The following SHISA2 variants were observed in gnomAD, a reference collection of about 807,000 sequenced individuals.
SHISA2 encodes protein shisa-2 homolog.
SHISA2 carries 16 observed loss-of-function variants against 23.8 expected under a neutral mutation model. The observed-to-expected ratio is 0.67, with a 90% confidence interval of 0.46 to 1.02. The LOEUF is 1.02. Among genes scored for constraint, SHISA2 ranks in the 50% least tolerant of loss-of-function variants. The probability of loss-of-function intolerance (pLI) is 0.00; values close to 1 mark genes in which losing one functional copy is unlikely to be tolerated. For missense variants in SHISA2, 459 were observed against 420.1 expected (o/e 1.09, Z -0.81); for synonymous variants, 201 against 178.6 (o/e 1.13, Z -1.00).
chr13:26,046,693 C>T lies in SHISA2; in HGVS notation c.708G>A (p.Val236=). The stretch of plus-strand genomic sequence containing the variant: ...GATGCAGATACTGCCCTTGATGTGG[C>T]ACAATCTGGGTGGCCTGCTGACAGT... ...VLNCQQATQI[V]PHQGQYLHPP... is the part of the protein sequence containing the mutation. Residue 236 remains valine, a synonymous_variant, in exon 2 of 2, where the codon GTG becomes GTA. Coordinates refer to ENST00000319420, the MANE Select transcript of SHISA2 (RefSeq NM_001007538.2). 1 of 1,614,228 alleles carries T rather than the reference C, an allele frequency of 6.2e-7. No individual in the cohort carries two copies.
chr13:26,050,252 G>T (rs60191869), intron 1 of SHISA2, among the ~76,000 whole-genome samples: 5 of 152,044 alleles, frequency 3.3e-5, no homozygotes, highest in Non-Finnish European at 5.9e-5. Flanking sequence ...GGGGAGCACC[G>T]CTGCCAGGCC....
rs927014488 is a variant in SHISA2, at chr13:26,051,769, G to A, written c.-794C>T. 1.1e-4 allele frequency among the ~76,000 whole-genome samples: 16 copies of A among 152,208 alleles called. No individual in the cohort carries two copies. In the East Asian group the frequency reaches 2.7e-3, roughly 26 times the overall value. On this transcript the variant is annotated 5_prime_UTR_variant, in exon 1 of 2. Transcript: ENST00000319420. ...GGCGGCCGCGGCTGCTGCTGGGCGCGGATCCAGGCGGGCGGCTCGCCCCGG... is the reference window on the plus strand; with the variant it reads ...GGCGGCCGCGGCTGCTGCTGGGCGCAGATCCAGGCGGGCGGCTCGCCCCGG...
At chr13:26,050,300 T>G (rs1957293188) in intron 1 of SHISA2, among the ~76,000 whole-genome samples, 1 of 152,130 alleles carries the variant, frequency 6.6e-6, no homozygotes. Context: ...TCTCCTTGGG[T>G]ACCCCTAAGA....
chr13:26,046,810 C>G lies in SHISA2; in HGVS notation c.591G>C (p.Ala197=). The G allele has an allele frequency of 6.2e-7, 1 of 1,614,122 alleles. No individual in the cohort carries two copies. Among genetic ancestry groups the G allele is most frequent in the Non-Finnish European group, 8.5e-7 (1 of 1,180,018 alleles). The change falls in exon 2 of 2, where the codon GCG becomes GCC. Residue 197 remains alanine, a synonymous_variant. Transcript: ENST00000319420. ...SSSSANSGAR[A]PPTRSQTNCC... is the part of the protein sequence containing the mutation. ...AGTTGGTCTGTGACCTTGTTGGGGG[C>G]GCCCGGGCCCCTGAGTTGGCGCTGG...
Position 26,051,279 on chromosome 13 carries a change from T to C in SHISA2, c.-304A>G, listed in dbSNP as rs4770913. ...CCCCCGGGGCTGTCGTCCGGAAGCC[T>C]CTGGAGGTTTCACTGGCAACCGGAC... On this transcript the variant is annotated 5_prime_UTR_variant, in exon 1 of 2. Transcript: ENST00000319420. Among the ~76,000 whole-genome samples the C allele has an allele frequency of 0.21, 32,072 of 152,074 alleles. 3,498 individuals carry two copies. The highest frequency in any genetic ancestry group is 0.35 in the South Asian group (1,688 of 4,824).
At position 26,051,071 on chromosome 13, in the gene SHISA2, T is replaced by C; in HGVS notation, c.-96A>G. On this transcript the variant is annotated 5_prime_UTR_variant, in exon 1 of 2. Transcript: ENST00000319420. ...GCGACCCCCGGGCCTCGTCACTGAC[T>C]GTCCCGCGGCGCTTTCCGCGCGGGC... is the stretch of plus-strand genomic sequence containing the variant. 1 of 1,160,756 alleles carries C rather than the reference T, an allele frequency of 8.6e-7. No individual in the cohort carries two copies. The allele number at this position is 1,160,756 out of a possible 1,614,324, so 71.9% of individuals were successfully genotyped here. A position where few individuals can be genotyped will look rare whatever the true frequency, so the allele number is the denominator to read the frequency against.
At position 26,046,753 on chromosome 13, in the gene SHISA2, C is replaced by A. The variant is rs757741687; in HGVS notation, c.648G>T (p.Val216=). 19 of 1,614,114 alleles carry A rather than the reference C, an allele frequency of 1.2e-5. No individual in the cohort carries two copies. The highest frequency in any genetic ancestry group is 3.3e-5 in the Admixed American group (2 of 60,002). Residue 216 remains valine (V), a synonymous_variant, in exon 2 of 2, where the codon GTG becomes GTT. Transcript: ENST00000319420. The part of the protein sequence containing the change: ...CCLPEGTMNN[V]YVNMPTNFSV... Reference sequence around the variant, plus strand: ...AGAAATTCGTGGGCATGTTGACATACACGTTGTTCATGGTCCCTTCCGGCA... The same window carrying A: ...AGAAATTCGTGGGCATGTTGACATAAACGTTGTTCATGGTCCCTTCCGGCA...
At position 26,046,180 on chromosome 13, in the gene SHISA2, A is replaced by C. The variant is rs1957265668; in HGVS notation, c.*333T>G. On this transcript the variant is annotated 3_prime_UTR_variant, in exon 2 of 2. Coordinates refer to ENST00000319420, the MANE Select transcript of SHISA2 (RefSeq NM_001007538.2). Reference sequence around the variant, plus strand: ...ACAACAAAAAAGAAATAATAATAACAACATAATAAAAATCCTTAATTTATC... The same window carrying C: ...ACAACAAAAAAGAAATAATAATAACCACATAATAAAAATCCTTAATTTATC... The C allele has an allele frequency of 4.9e-6, 1 of 204,530 alleles. No homozygotes were observed. Among genetic ancestry groups the C allele is most frequent in the African/African-American group, 2.3e-5 (1 of 43,300 alleles). The allele number at this position is 204,530 out of a possible 1,614,324, so 12.7% of individuals were successfully genotyped here. A position where few individuals can be genotyped will look rare whatever the true frequency, so the allele number is the denominator to read the frequency against.
chr13:26,050,327 G>A (rs576666572), intron 1 of SHISA2, among the ~76,000 whole-genome samples: 1 of 152,326 alleles, frequency 6.6e-6, no homozygotes, highest in Non-Finnish European at 1.5e-5. Context: ...GCCCTATGGA[G>A]ACAGGAGACG....
rs904215863 is a variant in SHISA2 at position 26,051,136 on chromosome 13, G to C, written c.-161C>G. 1.1e-5 allele frequency: 7 copies of C among 617,200 alleles called. No homozygotes were observed. The East Asian group carries it at 1.4e-4, about 12-fold the overall frequency. The allele number at this position is 617,200 out of a possible 1,614,324, so 38.2% of individuals were successfully genotyped here. On this transcript the variant is annotated 5_prime_UTR_variant, in exon 1 of 2. Coordinates refer to ENST00000319420, the MANE Select transcript of SHISA2 (RefSeq NM_001007538.2). ...GCGACGCCCAGGAGGCGACGACGCC[G>C]GGCCCTAGGTCCAGGAGCTCCTAAG...
intron 1 of SHISA2, among the ~76,000 whole-genome samples, chr13:26,049,622 A>G (rs1159833171): frequency 1.3e-5 from 2 of 152,212 alleles, no homozygotes; most frequent in East Asian, 3.9e-4. Flanking sequence ...TAGCATGCTA[A>G]TAAAATGCTT....
chr13:26,049,482 C>A (rs1205453948), intron 1 of SHISA2, among the ~76,000 whole-genome samples: 1 of 152,150 alleles, frequency 6.6e-6, no homozygotes, highest in Non-Finnish European at 1.5e-5. Flanking sequence ...TGTAGCAGTT[C>A]GGGGTCTGGC....
chr13:26,051,554 T>C lies in SHISA2; in HGVS notation c.-579A>G, dbSNP rs1198529594. ...TCAGCCTCCTCTGCCCCGAACTTGG[T>C]CCGCATGGCTCCGGCCGGGCCGCCC... is the stretch of plus-strand genomic sequence containing the variant. On this transcript the variant is annotated 5_prime_UTR_variant, in exon 1 of 2. Transcript: ENST00000319420. 1.3e-5 allele frequency among the ~76,000 whole-genome samples: 2 copies of C among 152,114 alleles called. No homozygotes were observed. The highest frequency in any genetic ancestry group is 3.9e-4 in the East Asian group (2 of 5,166).
intron 1 of SHISA2, among the ~76,000 whole-genome samples, chr13:26,050,055 G>A (rs1957291197): frequency 6.6e-6 from 1 of 152,212 alleles, no homozygotes; most frequent in Non-Finnish European, 1.5e-5. Flanking sequence ...AGCAAGGCTG[G>A]GCACTGCTCC....
chr13:26,051,628 C>G lies in SHISA2; in HGVS notation c.-653G>C, dbSNP rs1957305372. Among the ~76,000 whole-genome samples the G allele has an allele frequency of 6.6e-6, 1 of 152,028 alleles. No homozygotes were observed. Reference sequence around the variant, plus strand: ...CCGACGCTCCACTCGGCGGGGCCGACGGCCAATCTTCCCAGCACGTCGCCG... The same window carrying G: ...CCGACGCTCCACTCGGCGGGGCCGAGGGCCAATCTTCCCAGCACGTCGCCG... On this transcript the variant is annotated 5_prime_UTR_variant, in exon 1 of 2. Transcript: ENST00000319420.
intron 1 of SHISA2, among the ~76,000 whole-genome samples, chr13:26,049,922 C>G (rs1438354295): frequency 6.8e-6 from 1 of 146,410 alleles, no homozygotes; most frequent in Non-Finnish European, 1.5e-5. Context: ...GTGTAGACAC[C>G]CCAGGGAGGC....
Position 26,046,892 on chromosome 13 carries a change from G to C in SHISA2, c.509C>G (p.Ala170Gly), listed in dbSNP as rs747139053. The change falls in exon 2 of 2, where the codon GCC (alanine) becomes GGC (glycine). Residue 170 changes from alanine (A) to glycine (G), a missense_variant. Physicochemically the swap from Ala to Gly is moderately conservative, Grantham distance 60. Transcript: ENST00000319420. ...LMETIPMIPS[A>G]STSRGSSSRQ... ...TGAGGACGACCCCCGGGAGGTGCTG[G>C]CACTGGGGATCATGGGGATGGTCTC... 6.2e-7 allele frequency: 1 copy of C among 1,613,658 alleles called. No individual in the cohort carries two copies. Among genetic ancestry groups the C allele is most frequent in the Admixed American group, 1.7e-5 (1 of 59,972 alleles).
chr13:26,048,375 G>A (rs919267615), intron 1 of SHISA2, among the ~76,000 whole-genome samples: 1 of 152,124 alleles, frequency 6.6e-6, no homozygotes, highest in African/African-American at 2.4e-5. Flanking sequence ...GGCACTACAA[G>A]GCTTTAGAAA....
Position 26,046,187 on chromosome 13 carries a change from T to C in SHISA2, c.*326A>G, listed in dbSNP as rs1204496771. 1.0e-5 allele frequency: 2 copies of C among 190,656 alleles called. No individual in the cohort carries two copies. The highest frequency in any genetic ancestry group is 2.4e-5 in the African/African-American group (1 of 41,550). The allele number at this position is 190,656 out of a possible 1,614,324, so 11.8% of individuals were successfully genotyped here. On this transcript the variant is annotated 3_prime_UTR_variant, in exon 2 of 2. Transcript: ENST00000319420. Reference sequence around the variant, plus strand: ...AAAAGAAATAATAATAACAACATAATAAAAATCCTTAATTTATCAGTTTAT... The same window carrying C: ...AAAAGAAATAATAATAACAACATAACAAAAATCCTTAATTTATCAGTTTAT...
Sources: gnomAD v4.1 joint callset for allele counts (sites outside exome capture counted in the v4.1 genomes callset) on GRCh38, gnomAD v4.1.1 for gene constraint, MANE v1.5 for transcripts, NCBI Gene and HGNC (gene_info 2026-07-23, HGNC 2026-07-21) for gene names.